ABCC5: variants seen among roughly 807,000 people sequenced by gnomAD.
The protein encoded by ABCC5 is ATP-binding cassette sub-family C member 5.
A neutral mutation model predicts 160.9 loss-of-function variants in ABCC5; 61 were observed. That is an observed-to-expected ratio of 0.38 (90% confidence interval 0.31 to 0.47). ABCC5 has a LOEUF of 0.47. Ranked by LOEUF, ABCC5 falls within the 20% of genes least tolerant of loss-of-function variation. ABCC5 has a pLI of 0.99. For synonymous variants in ABCC5, 666 were observed against 700.6 expected (o/e 0.95, Z 0.78); for missense variants, 1,308 against 1,813.3 (o/e 0.72, Z 5.06).
intron 2 of ABCC5, among the ~76,000 whole-genome samples, chr3:183,998,861 G>A (rs558707803): frequency 2.6e-5 from 4 of 152,174 alleles, no homozygotes; most frequent in Non-Finnish European, 4.4e-5. Flanking sequence ...AGGCTGAGGC[G>A]GGTGGATCAC....
intron 5 of ABCC5, chr3:183,984,924 C>A (rs1560033656): frequency 6.5e-7 from 1 of 1,542,522 alleles, no homozygotes; most frequent in Non-Finnish European, 8.7e-7. Flanking sequence ...TTGCCTTGGG[C>A]TCCTTCCTTC....
At chr3:183,947,834 A>C (rs1404189698) in intron 22 of ABCC5, among the ~76,000 whole-genome samples, 1 of 152,250 alleles carries the variant, frequency 6.6e-6, no homozygotes, top group Non-Finnish European at 1.5e-5. Context: ...CTTGTGTTAA[A>C]CTTTAGAAAA....
rs373849911 is a variant in ABCC5, at chr3:183,989,949, G to C, written c.130-566C>G. Among the ~76,000 whole-genome samples, 758 of 151,512 alleles carry C rather than the reference G, an allele frequency of 5.0e-3. 11 individuals carry two copies. The highest frequency in any genetic ancestry group is 0.017 in the African/African-American group (707 of 41,296). On this transcript the variant is annotated intron_variant, in intron 2 of 29. Transcript: ENST00000334444. ...CCTCCTGAGTAGCTGGGATTACAGG[G>C]ATGTGCCACCATGCCTGGCTAATTT... is the stretch of plus-strand genomic sequence containing the variant.
chr3:183,927,914 T>C, intron 27 of ABCC5: 3 of 721,376 alleles, frequency 4.2e-6, no homozygotes, highest in Non-Finnish European at 5.1e-6. Context: ...CTACTAATAG[T>C]TGAATTAGGG....
At position 183,988,304 on chromosome 3, in the gene ABCC5, A is replaced by G. The variant is rs949050697; in HGVS notation, c.443+268T>C. 2.0e-5 allele frequency among the ~76,000 whole-genome samples: 3 copies of G among 152,248 alleles called. No homozygotes were observed. The highest frequency in any genetic ancestry group is 2.9e-5 in the Non-Finnish European group (2 of 68,046). ...TGACAATCAGCTACCACAAAAATGT[A>G]TTCTGTCACAAGGCAGCAACATAAT... is the stretch of plus-strand genomic sequence containing the variant. On this transcript the variant is annotated intron_variant, in intron 4 of 29. Transcript: ENST00000334444. This position sits in a 1 kb window ranked among gnomAD's most constrained non-coding sequence, Gnocchi z 4.4.
chr3:183,984,428 A>T, intron 5 of ABCC5: 1 of 1,007,832 alleles, frequency 9.9e-7, no homozygotes, highest in Non-Finnish European at 1.2e-6. Context: ...TCAGAGCTGA[A>T]TGACAGACAA....
At chr3:183,974,611 C>A (rs1334994620) in intron 10 of ABCC5, among the ~76,000 whole-genome samples, 1 of 152,092 alleles carries the variant, frequency 6.6e-6, no homozygotes, top group Non-Finnish European at 1.5e-5. Context: ...GCCGGGCCCC[C>A]GTTAAATTTA....
In ABCC5 at chr3:183,988,848, T is replaced by TAA. The variant is rs1425495130; in HGVS notation, c.288-123_288-122dup. On this transcript the variant is annotated intron_variant, in intron 3 of 29. Transcript: ENST00000334444. The surrounding 1 kb of genome is among the most constrained non-coding windows in gnomAD (Gnocchi z 4.4). ...TAAAGACCAGTCTCCCCAGATGATC[T>TAA]AATCTTAGCCTGAATGTTCTAAAAC... is the stretch of plus-strand genomic sequence containing the variant. 6.9e-6 allele frequency: 8 copies of TAA among 1,159,292 alleles called. No individual in the cohort carries two copies. Among genetic ancestry groups the TAA allele is most frequent in the Non-Finnish European group, 8.3e-6 (7 of 839,816 alleles). The allele number at this position is 1,159,292 out of a possible 1,614,324, so 71.8% of individuals were successfully genotyped here.
At chr3:183,984,820 A>T in intron 5 of ABCC5, 1 of 1,584,352 alleles carries the variant, frequency 6.3e-7, no homozygotes, top group Non-Finnish European at 8.5e-7. Context: ...ACGTGAAGCA[A>T]CTCAGTAAGA....
chr3:183,936,326 A>G (rs1249831028), intron 26 of ABCC5, among the ~76,000 whole-genome samples: 1 of 152,154 alleles, frequency 6.6e-6, no homozygotes, highest in East Asian at 1.9e-4. Context: ...CACCCAGTCT[A>G]TGGTATGTTG....
intron 2 of ABCC5, among the ~76,000 whole-genome samples, chr3:183,999,312 G>C (rs1343834391): frequency 6.6e-6 from 1 of 151,608 alleles, no homozygotes; most frequent in East Asian, 1.9e-4. Flanking sequence ...TTCTACCACA[G>C]TTAACATTCC....
At position 183,951,516 on chromosome 3, in the gene ABCC5, G is replaced by A. The variant is rs1715344591; in HGVS notation, c.2869C>T (p.Arg957Ter). Reference sequence around the variant, plus strand: ...GTGTCAAAAAACTTCATAGGGCTTCGAAGGATCCTTCGGAAAAGCTCGTCA... The same window carrying A: ...GTGTCAAAAAACTTCATAGGGCTTCAAAGGATCCTTCGGAAAAGCTCGTCA... ...LHDELFRRIL[R>*]SPMKFFDTTP... Residue 957 changes from arginine (R) to a stop codon, truncating the protein, a stop_gained, in exon 20 of 30, where the codon CGA becomes TGA. Coordinates refer to ENST00000334444, the MANE Select transcript of ABCC5 (RefSeq NM_005688.4). LOFTEE classifies it high-confidence loss of function. This position sits in a 1 kb window ranked among gnomAD's most constrained non-coding sequence, Gnocchi z 4.7. The A allele has an allele frequency of 1.9e-6, 3 of 1,614,204 alleles. No individual in the cohort carries two copies. The highest frequency in any genetic ancestry group is 2.5e-6 in the Non-Finnish European group (3 of 1,180,044).
rs2108826381 is a variant in ABCC5 at position 183,966,357 on chromosome 3, A to C, written c.1834-856T>G. Among the ~76,000 whole-genome samples the C allele has an allele frequency of 2.0e-5, 3 of 152,326 alleles. No individual in the cohort carries two copies. The South Asian group carries it at 6.2e-4, about 32-fold the overall frequency. ...AGGGGGTCTACTGTGGAAAGCCGGCACTTCTGGCTGCTGCACAAACACCGC... is the reference window on the plus strand; with the variant it reads ...AGGGGGTCTACTGTGGAAAGCCGGCCCTTCTGGCTGCTGCACAAACACCGC... On this transcript the variant is annotated intron_variant, in intron 12 of 29. Transcript: ENST00000334444.
intron 11 of ABCC5, among the ~76,000 whole-genome samples, chr3:183,969,965 A>G (rs1014605495): frequency 1.2e-4 from 18 of 152,182 alleles, no homozygotes; most frequent in African/African-American, 3.9e-4. Context: ...TCCCACCAGC[A>G]ACCTTGATCT....
chr3:183,966,968 C>G (rs1315673183), intron 12 of ABCC5, among the ~76,000 whole-genome samples: 3 of 151,334 alleles, frequency 2.0e-5, no homozygotes, highest in Admixed American at 6.6e-5. Flanking sequence ...CCATCTAAGT[C>G]AAGTTAATTT....
intron 10 of ABCC5, among the ~76,000 whole-genome samples, chr3:183,976,586 C>A (rs1718237752): frequency 6.6e-6 from 1 of 152,152 alleles, no homozygotes; most frequent in African/African-American, 2.4e-5. Context: ...ATAAAAGTCA[C>A]CCGGTCAACT....
At chr3:184,007,412 G>A (rs1244223859) in intron 2 of ABCC5, among the ~76,000 whole-genome samples, 3 of 152,024 alleles carry the variant, frequency 2.0e-5, no homozygotes, top group Non-Finnish European at 4.4e-5. Flanking sequence ...AGAGCACTAA[G>A]AAAACAAACC....
At position 183,982,726 on chromosome 3, in the gene ABCC5, C is replaced by T; in HGVS notation, c.825+48G>A. 6.2e-7 allele frequency: 1 copy of T among 1,609,678 alleles called. No individual in the cohort carries two copies. Among genetic ancestry groups the T allele is most frequent in the Non-Finnish European group, 8.5e-7 (1 of 1,176,306 alleles). On this transcript the variant is annotated intron_variant, in intron 6 of 29. Transcript: ENST00000334444. This position sits in a 1 kb window ranked among gnomAD's most constrained non-coding sequence, Gnocchi z 5.2. ...GGCAGGGCCCTAGAGGAATGAACCTCAAGCTAGGAAGTTGCTCTCTGCTGT... is the reference window on the plus strand; with the variant it reads ...GGCAGGGCCCTAGAGGAATGAACCTTAAGCTAGGAAGTTGCTCTCTGCTGT...
chr3:183,947,935 G>A lies in ABCC5; in HGVS notation c.3228-425C>T, dbSNP rs145685122. Among the ~76,000 whole-genome samples, 3 of 152,336 alleles carry A rather than the reference G, an allele frequency of 2.0e-5. No individual in the cohort carries two copies. In the East Asian group the frequency reaches 5.8e-4, roughly 29 times the overall value. Reference sequence around the variant, plus strand: ...TTCAAGGCGAGGAAAAAGAAACTCAGAGTGAATATGGGAACACCATAAGTG... The same window carrying A: ...TTCAAGGCGAGGAAAAAGAAACTCAAAGTGAATATGGGAACACCATAAGTG... On this transcript the variant is annotated intron_variant, in intron 22 of 29. Coordinates refer to ENST00000334444, the MANE Select transcript of ABCC5 (RefSeq NM_005688.4).
Sources: gnomAD v4.1 joint callset for allele counts (sites outside exome capture counted in the v4.1 genomes callset) on GRCh38, gnomAD v4.1.1 for gene constraint, Gnocchi (gnomAD v3.1) non-coding constraint, MANE v1.5 for transcripts, NCBI Gene and HGNC (gene_info 2026-07-23, HGNC 2026-07-21) for gene names.